SUGCT: variants seen among roughly 807,000 people sequenced by gnomAD.
SUGCT encodes the protein succinyl-CoA:glutarate-CoA transferase.
SUGCT carries 41 observed loss-of-function variants against 55.0 expected under a neutral mutation model. The observed-to-expected ratio is 0.74, with a 90% CI of 0.58 to 0.97. The LOEUF is 0.97. Ranked by LOEUF, SUGCT falls within the 50% of genes least tolerant of loss-of-function variation. The pLI is 0.00. For synonymous variants in SUGCT, 187 were observed against 200.4 expected (o/e 0.93, Z 0.56); for missense variants, 568 against 547.8 (o/e 1.04, Z -0.37).
the SUGCT span, among the ~76,000 whole-genome samples, chr7:40,988,730 T>C: frequency 6.6e-6 from 1 of 152,198 alleles, no homozygotes; most frequent in Non-Finnish European, 1.5e-5. Context: ...ATAAACTTAT[T>C]ATTTTAGCAC....
chr7:40,937,184 C>T, the SUGCT span, among the ~76,000 whole-genome samples: 1 of 152,260 alleles, frequency 6.6e-6, no homozygotes, highest in African/African-American at 2.4e-5. Context: ...CCCTCACCAC[C>T]AAGAGATGAG....
At chr7:40,558,356 A>G (rs1795664960) in intron 12 of SUGCT, among the ~76,000 whole-genome samples, 1 of 152,116 alleles carries the variant, frequency 6.6e-6, no homozygotes. Context: ...CCAAAAGGTG[A>G]AAACAACTGA....
intron 13 of SUGCT, among the ~76,000 whole-genome samples, chr7:40,781,020 C>T (rs1304145445): frequency 6.6e-6 from 1 of 152,052 alleles, no homozygotes; most frequent in Admixed American, 6.6e-5. Context: ...TATTGGGTTC[C>T]TCATGTGGTT....
chr7:40,708,665 C>G (rs1785547531), intron 12 of SUGCT, among the ~76,000 whole-genome samples: 1 of 152,130 alleles, frequency 6.6e-6, no homozygotes, highest in Non-Finnish European at 1.5e-5. Context: ...CTGAGCAAAC[C>G]CCTGCCTCAG....
chr7:40,938,250 A>G, the SUGCT span, among the ~76,000 whole-genome samples: 3 of 152,214 alleles, frequency 2.0e-5, no homozygotes, highest in Non-Finnish European at 4.4e-5. Context: ...TTGCTAGGAT[A>G]CAAGAAATTT....
intron 13 of SUGCT, among the ~76,000 whole-genome samples, chr7:40,826,887 CAA>C (rs1792341378): frequency 6.6e-6 from 1 of 152,106 alleles, no homozygotes; most frequent in Admixed American, 6.5e-5. Context: ...CCTTGAGGCA[CAA>C]AATAAGAGCA....
the SUGCT span, among the ~76,000 whole-genome samples, chr7:41,003,696 C>A: frequency 2.2e-4 from 33 of 152,298 alleles, no homozygotes; most frequent in African/African-American, 7.7e-4. Flanking sequence ...CTCTAGCTGC[C>A]AACCCCATCC....
rs776733346 is a variant in SUGCT at position 40,570,850 on chromosome 7, C to CTTTTTTT, written c.1089+74485_1089+74491dup. ...CCCCTCTGGGCAAAAGCTTTAGGCT[C>CTTTTTTT]TTTTTTTTTTTTTTTTTTTTTTTTT... On this transcript the variant is annotated intron_variant, in intron 12 of 13. Coordinates refer to ENST00000335693, the MANE Select transcript of SUGCT (RefSeq NM_001193313.2). 1.4e-3 allele frequency among the ~76,000 whole-genome samples: 72 copies of CTTTTTTT among 52,300 alleles called. 13 individuals carry two copies. Among genetic ancestry groups the CTTTTTTT allele is most frequent in the African/African-American group, 5.6e-3 (64 of 11,524 alleles). The allele number at this position is 52,300 out of a possible 152,430, so 34.3% of individuals were successfully genotyped here. A position where few individuals can be genotyped will look rare whatever the true frequency, so the allele number is the denominator to read the frequency against.
intron 12 of SUGCT, among the ~76,000 whole-genome samples, chr7:40,622,538 T>G (rs919871809): frequency 4.6e-4 from 69 of 149,716 alleles, no homozygotes; most frequent in African/African-American, 1.6e-3. Flanking sequence ...GTTTTTTTTT[T>G]TTTTTTTTTT....
chr7:40,899,277 T>C, the SUGCT span, among the ~76,000 whole-genome samples: 1 of 152,186 alleles, frequency 6.6e-6, no homozygotes, highest in Non-Finnish European at 1.5e-5. Context: ...GTTCTCTGCG[T>C]ATCTGACTCA....
In SUGCT at chr7:40,365,722, C is replaced by T. The variant is rs577271863; in HGVS notation, c.816+48867C>T. ...AACTTACAAGGGATGTGAAGGACCT[C>T]TTCAAGGAGAACTACAAACCACTGC... On this transcript the variant is annotated intron_variant, in intron 9 of 13. Transcript: ENST00000335693. 1.5e-3 allele frequency among the ~76,000 whole-genome samples: 222 copies of T among 152,028 alleles called. 1 individual carries two copies. The highest frequency in any genetic ancestry group is 5.2e-3 in the African/African-American group (214 of 41,470).
chr7:40,574,331 T>G (rs1217393766), intron 12 of SUGCT, among the ~76,000 whole-genome samples: 2 of 152,224 alleles, frequency 1.3e-5, no homozygotes, highest in Non-Finnish European at 2.9e-5. Flanking sequence ...AACAAACCCC[T>G]ACATAACTTA....
intron 12 of SUGCT, among the ~76,000 whole-genome samples, chr7:40,659,866 A>G (rs1256840621): frequency 6.6e-6 from 1 of 152,132 alleles, no homozygotes; most frequent in Non-Finnish European, 1.5e-5. Flanking sequence ...AGTATAGTAC[A>G]CTACACTGTG....
intron 13 of SUGCT, among the ~76,000 whole-genome samples, chr7:40,790,092 G>A (rs1383147099): frequency 1.3e-5 from 2 of 152,172 alleles, no homozygotes; most frequent in African/African-American, 4.8e-5. Context: ...CTTCGACATG[G>A]TTTGGCTGTG....
chr7:40,616,514 C>T (rs190710971), intron 12 of SUGCT, among the ~76,000 whole-genome samples: 2 of 152,222 alleles, frequency 1.3e-5, no homozygotes, highest in East Asian at 1.9e-4. Flanking sequence ...AAAATCAAAG[C>T]GAAATAAAGC....
intron 9 of SUGCT, among the ~76,000 whole-genome samples, chr7:40,318,835 G>A (rs999729864): frequency 1.3e-5 from 2 of 152,192 alleles, no homozygotes; most frequent in African/African-American, 4.8e-5. Flanking sequence ...TGTTCACTGT[G>A]TTCAAGCATA....
At chr7:40,479,432 G>A (rs1790902002) in intron 11 of SUGCT, among the ~76,000 whole-genome samples, 1 of 152,156 alleles carries the variant, frequency 6.6e-6, no homozygotes, top group Non-Finnish European at 1.5e-5. Context: ...TATAGCCTAG[G>A]TGTGTGGTAG....
At chr7:40,402,978 A>G (rs975069543) in intron 9 of SUGCT, among the ~76,000 whole-genome samples, 10 of 152,152 alleles carry the variant, frequency 6.6e-5, no homozygotes, top group African/African-American at 1.7e-4. Context: ...TTAATTTCCA[A>G]TAGGTTAGAG....
chr7:40,630,766 C>T (rs1227475540), intron 12 of SUGCT, among the ~76,000 whole-genome samples: 2 of 151,848 alleles, frequency 1.3e-5, no homozygotes, highest in Non-Finnish European at 2.9e-5. Context: ...ATAGCAAATA[C>T]TTTAAAAGTT....
Sources: allele counts gnomAD v4.1 joint callset (sites outside exome capture counted in the v4.1 genomes callset), GRCh38; gene constraint gnomAD v4.1.1; transcripts MANE v1.5; gene names NCBI Gene and HGNC (gene_info 2026-07-23, HGNC 2026-07-21).